Variants in FGD5 observed in about 807,000 individuals in gnomAD.
FGD5 encodes FYVE, RhoGEF and PH domain-containing protein 5.
FGD5 carries 28 observed loss-of-function variants against 133.4 expected under a neutral mutation model. The observed-to-expected ratio is 0.21, with a 90% CI of 0.16 to 0.29. FGD5 has a LOEUF of 0.29. FGD5 is among the 10% of genes least tolerant of loss of function. The pLI, the probability that FGD5 is intolerant of heterozygous loss-of-function variation, is 1.00. For synonymous variants in FGD5, 810 were observed against 776.5 expected (o/e 1.04, Z -0.72); for missense variants, 1,858 against 1,895.2 (o/e 0.98, Z 0.36).
At chr3:14,902,734 G>C (rs1324878602) in intron 9 of FGD5, among the ~76,000 whole-genome samples, 2 of 152,174 alleles carry the variant, frequency 1.3e-5, no homozygotes, top group East Asian at 3.9e-4. Context: ...GAGGTGCTTT[G>C]GGGTCCAGCA....
intron 1 of FGD5, among the ~76,000 whole-genome samples, chr3:14,824,553 C>T (rs954379059): frequency 3.6e-4 from 55 of 152,176 alleles, no homozygotes; most frequent in African/African-American, 1.3e-3. Context: ...GGATTCAAAG[C>T]CTAAGGTCCC....
In FGD5 at chr3:14,836,598, G is replaced by A. The variant is rs181010001; in HGVS notation, c.2525+15002G>A. 2.7e-3 allele frequency among the ~76,000 whole-genome samples: 418 copies of A among 152,230 alleles called. 2 individuals carry two copies. The highest frequency in any genetic ancestry group is 5.0e-3 in the Admixed American group (77 of 15,296). ...CTGTGTTCCTCAGCCTTGAGGGTGG[G>A]AGGTTCAGGATTCCACCCAGGCTGT... On this transcript the variant is annotated intron_variant, in intron 1 of 19. Transcript: ENST00000285046.
At position 14,820,267 on chromosome 3, in the gene FGD5, C is replaced by A. The variant is rs371169263; in HGVS notation, c.1196C>A (p.Ser399Tyr). Residue 399 changes from serine (S) to tyrosine (Y), a missense_variant, in exon 1 of 20, where the codon TCC (serine) becomes TAC (tyrosine). Physicochemically the swap from Ser to Tyr is moderately radical, Grantham distance 144. This residue lies in a region of FGD5 where 1,824 missense variants were observed against 1,848.9 expected (regional missense o/e 0.99). Coordinates refer to ENST00000285046, the MANE Select transcript of FGD5 (RefSeq NM_152536.4). ...MVGALCGQCG[S>Y]LQGGAAEGPA... ...GGGGCTTTGTGTGGCCAGTGTGGCT[C>A]CCTACAGGGTGGAGCGGCCGAGGGT... 2.5e-6 allele frequency: 4 copies of A among 1,604,672 alleles called. No homozygotes were observed. The highest frequency in any genetic ancestry group is 2.6e-6 in the Non-Finnish European group (3 of 1,175,120).
At position 14,884,927 on chromosome 3, in the gene FGD5, G is replaced by A. The variant is rs980822035; in HGVS notation, c.2748+4155G>A. Among the ~76,000 whole-genome samples, 6 of 152,082 alleles carry A rather than the reference G, an allele frequency of 3.9e-5. No individual in the cohort carries two copies. In the South Asian group the frequency reaches 6.2e-4, roughly 16 times the overall value. ...TTGCTGGAGGCATTCACTCCCTGGCGCCGAGGTTATCTACCGCGACATCTA... is the reference window on the plus strand; with the variant it reads ...TTGCTGGAGGCATTCACTCCCTGGCACCGAGGTTATCTACCGCGACATCTA... On this transcript the variant is annotated intron_variant, in intron 4 of 19. Transcript: ENST00000285046.
chr3:14,887,685 T>G (rs1268718440), intron 4 of FGD5, among the ~76,000 whole-genome samples: 7 of 151,702 alleles, frequency 4.6e-5, no homozygotes, highest in African/African-American at 1.7e-4. Context: ...AAAAGAACAA[T>G]AGTAACGCAG....
rs535910642 is a variant in FGD5 at position 14,813,536 on chromosome 3, A to C, written c.13+2671A>C. Among the ~76,000 whole-genome samples, 11 of 152,356 alleles carry C rather than the reference A, an allele frequency of 7.2e-5. No individual in the cohort carries two copies. The South Asian group carries it at 2.3e-3, about 32-fold the overall frequency. ...GTTATGAGAGTTCCAGGGGGAGTAT[A>C]GTGAACTGCAGCTGAAACAGACTTT... On this transcript the variant is annotated intron_variant, in intron 1 of 1. Transcript: ENST00000640506.
chr3:14,898,626 T>C, intron 6 of FGD5, 113 bp from the exon 7 acceptor site: 1 of 837,938 alleles, frequency 1.2e-6, no homozygotes. Context: ...GAGGGAGAAG[T>C]TCAGCTGGCC....
chr3:14,915,419 G>A (rs887797516), intron 11 of FGD5, among the ~76,000 whole-genome samples: 3 of 152,196 alleles, frequency 2.0e-5, no homozygotes, highest in African/African-American at 4.8e-5. Context: ...CCATGCCTGC[G>A]TGGCTCTCCT....
chr3:14,890,415 G>A (rs1188130095), intron 4 of FGD5, among the ~76,000 whole-genome samples: 4 of 152,142 alleles, frequency 2.6e-5, no homozygotes, highest in East Asian at 1.9e-4. Flanking sequence ...TGTTTCCTCC[G>A]GGCTTGGTGC....
At chr3:14,844,217 A>AATATATATAT (rs869290486) in intron 1 of FGD5, among the ~76,000 whole-genome samples, 8 of 20,360 alleles carry the variant, frequency 3.9e-4, no homozygotes, top group Non-Finnish European at 5.1e-4. Flanking sequence ...AAAAAAAAAA[A>AATATATATAT]ATATATATAT....
At chr3:14,901,140 GC>G in intron 9 of FGD5, 79 bp downstream of exon 9, 3 of 1,465,634 alleles carry the variant, frequency 2.0e-6, no homozygotes, top group Non-Finnish European at 2.9e-6. Context: ...GCCTTCTGAT[GC>G]CCCACTCCTA....
chr3:14,812,073 C>G (rs112190863), intron 1 of FGD5, among the ~76,000 whole-genome samples: 1 of 150,864 alleles, frequency 6.6e-6, no homozygotes, highest in Non-Finnish European at 1.5e-5. Flanking sequence ...TTTTAAAAAT[C>G]TTTTTAATGA....
At chr3:14,891,089 T>A (rs1471644679) in intron 4 of FGD5, among the ~76,000 whole-genome samples, 1 of 152,222 alleles carries the variant, frequency 6.6e-6, no homozygotes, top group Non-Finnish European at 1.5e-5. Context: ...ATCGTTGCCC[T>A]CATCAGTATA....
rs1456643047 is a variant in FGD5 at position 14,819,817 on chromosome 3, C to T, written c.746C>T (p.Thr249Ile). ...TEDMGQDAEDTSEEPPEKEEL... is the reference protein window; with the variant it reads ...TEDMGQDAEDISEEPPEKEEL... ...GACATGGGACAGGATGCTGAGGACACCAGTGAGGAGCCCCCTGAGAAGGAG... is the reference window on the plus strand; with the variant it reads ...GACATGGGACAGGATGCTGAGGACATCAGTGAGGAGCCCCCTGAGAAGGAG... Residue 249 changes from threonine to isoleucine, a missense_variant, in exon 1 of 20, where the codon ACC becomes ATC. This residue lies in a region of FGD5 where 1,824 missense variants were observed against 1,848.9 expected (regional missense o/e 0.99). Transcript: ENST00000285046. This position sits in a 1 kb window ranked among gnomAD's most constrained non-coding sequence, Gnocchi z 4.1. 8.8e-6 allele frequency: 14 copies of T among 1,596,180 alleles called. No individual in the cohort carries two copies. The highest frequency in any genetic ancestry group is 1.8e-5 in the Admixed American group (1 of 56,696).
rs749555987 is a variant in FGD5 at position 14,821,381 on chromosome 3, C to T, written c.2310C>T (p.Asp770=). The change falls in exon 1 of 20, where the codon GAC becomes GAT. Residue 770 remains aspartate, a synonymous_variant. Coordinates refer to ENST00000285046, the MANE Select transcript of FGD5 (RefSeq NM_152536.4). The stretch of plus-strand genomic sequence containing the variant: ...GGTCCATCTCCTTCCCCAGCGCTGA[C>T]ACTTCAGACTATGAGAACATTCCAG... ...KPRSISFPSA[D]TSDYENIPAM... The T allele has an allele frequency of 3.7e-6, 6 of 1,613,898 alleles. No individual in the cohort carries two copies. The Admixed American group carries it at 6.7e-5, about 18-fold the overall frequency.
intron 9 of FGD5, among the ~76,000 whole-genome samples, chr3:14,906,745 TC>T (rs2038350322): frequency 6.6e-6 from 1 of 152,240 alleles, no homozygotes; most frequent in Admixed American, 6.5e-5. Flanking sequence ...CACCTCTGCC[TC>T]CTGTGTGTCA....
intron 9 of FGD5, among the ~76,000 whole-genome samples, chr3:14,901,641 G>A (rs547845508): frequency 2.0e-5 from 3 of 152,298 alleles, no homozygotes; most frequent in African/African-American, 7.2e-5. Context: ...TTCCAAGCCC[G>A]AGTCCTAGGT....
At chr3:14,814,549 A>G (rs944875647), upstream of FGD5, among the ~76,000 whole-genome samples, 1 of 151,906 alleles carries the variant, frequency 6.6e-6, no homozygotes, top group Non-Finnish European at 1.5e-5. Flanking sequence ...CACCCTCCTC[A>G]TCTCTGCTGG....
At chr3:14,928,219 G>A (rs2038846269) in intron 18 of FGD5, among the ~76,000 whole-genome samples, 1 of 148,440 alleles carries the variant, frequency 6.7e-6, no homozygotes, top group Non-Finnish European at 1.5e-5. Flanking sequence ...GATTACAGGC[G>A]TGAGCCACCA....
Sources: gnomAD v4.1 joint callset for allele counts (sites outside exome capture counted in the v4.1 genomes callset) on GRCh38, gnomAD v4.1.1 for gene constraint, gnomAD v4.1.1 regional missense constraint, Gnocchi (gnomAD v3.1) non-coding constraint, MANE v1.5 for transcripts, NCBI Gene and HGNC (gene_info 2026-07-23, HGNC 2026-07-21) for gene names.